The following DHRS7C variants were observed in gnomAD, a reference collection of about 807,000 sequenced individuals.
DHRS7C encodes the protein dehydrogenase/reductase SDR family member 7C.
DHRS7C carries 28 observed loss-of-function variants against 29.6 expected under a neutral mutation model. That is an observed-to-expected ratio of 0.95 (90% CI 0.70 to 1.30). The LOEUF (loss-of-function observed/expected upper bound fraction) is 1.30. DHRS7C is among the 50% of genes most tolerant of loss of function. DHRS7C has a pLI of 0.00. For synonymous variants in DHRS7C, 158 were observed against 160.2 expected, an observed-to-expected ratio of 0.99 and a Z score of 0.10; for missense variants, 403 against 393.3, an observed-to-expected ratio of 1.02 and a Z score of -0.21.
chr17:9,789,049 G>A (rs1000371908), intron 1 of DHRS7C, among the ~76,000 whole-genome samples: 6 of 152,104 alleles, frequency 3.9e-5, no homozygotes, highest in Non-Finnish European at 8.8e-5. Context: ...ACTGAATGAG[G>A]TGTTTTAAAA....
At chr17:9,779,677 T>C (rs1032876873) in intron 3 of DHRS7C, 148 bp downstream of exon 3, 6 of 728,744 alleles carry the variant, frequency 8.2e-6, no homozygotes, top group African/African-American at 5.3e-5. Flanking sequence ...ACAATGGGAA[T>C]GGTGAAAGCT....
intron 4 of DHRS7C, among the ~76,000 whole-genome samples, chr17:9,776,652 C>A (rs1245205404): frequency 2.0e-5 from 3 of 152,288 alleles, no homozygotes; most frequent in African/African-American, 2.4e-5. Flanking sequence ...CAGGAACATA[C>A]ACCTAGGAGT....
chr17:9,784,725 A>G (rs904883041), intron 1 of DHRS7C, among the ~76,000 whole-genome samples: 1 of 152,242 alleles, frequency 6.6e-6, no homozygotes, highest in East Asian at 1.9e-4. Context: ...AGGTGAGTCA[A>G]TACCAGTAAT....
chr17:9,777,398 T>C, intron 3 of DHRS7C, 113 bp from the exon 4 acceptor site: 11 of 702,128 alleles, frequency 1.6e-5, no homozygotes, highest in Non-Finnish European at 1.6e-5. Flanking sequence ...ACCTCCGCGG[T>C]AACTAGATTG....
chr17:9,787,416 G>C (rs977328229), intron 1 of DHRS7C, among the ~76,000 whole-genome samples: 1 of 152,310 alleles, frequency 6.6e-6, no homozygotes, highest in South Asian at 2.1e-4. Flanking sequence ...TGCCTGGGAG[G>C]CTGGAGCCCA....
chr17:9,772,886 T>C lies in DHRS7C; in HGVS notation c.608A>G (p.Asp203Gly), dbSNP rs2066339670. ...TTCCTCCACTTCGGCTCGGAGGCAG[T>C]CAAAGAAGCCCAGGGCTGCGTGCTT... ...ASKHAALGFFDCLRAEVEEYD... is the reference protein window; with the variant it reads ...ASKHAALGFFGCLRAEVEEYD... The change falls in exon 5 of 6, where the codon GAC (aspartate) becomes GGC (glycine). Residue 203 changes from aspartate (D) to glycine (G), a missense_variant. Asp to Gly is a moderately conservative substitution (Grantham distance 94, BLOSUM62 -1). Transcript: ENST00000571134. The C allele has an allele frequency of 6.2e-7, 1 of 1,613,758 alleles. No individual in the cohort carries two copies. Among genetic ancestry groups the C allele is most frequent in the Non-Finnish European group, 8.5e-7 (1 of 1,179,856 alleles).
intron 1 of DHRS7C, among the ~76,000 whole-genome samples, chr17:9,786,256 G>A (rs2066422830): frequency 6.6e-6 from 1 of 151,572 alleles, no homozygotes; most frequent in African/African-American, 2.4e-5. Context: ...GAACCCGGGA[G>A]GCTGAGGTTG....
At chr17:9,781,426 CA>C in intron 2 of DHRS7C, 55 bp downstream of exon 2, 2 of 1,538,214 alleles carry the variant, frequency 1.3e-6, no homozygotes, top group Non-Finnish European at 1.8e-6. Context: ...CCTGAACAAT[CA>C]ATGGAGGCTG....
rs1417642065 is a variant in DHRS7C at position 9,791,359 on chromosome 17, G to C, written c.-75C>G. 6.5e-7 allele frequency: 1 copy of C among 1,545,754 alleles called. No individual in the cohort carries two copies. On this transcript the variant is annotated 5_prime_UTR_variant, in exon 1 of 6. Coordinates refer to ENST00000571134, the MANE Select transcript of DHRS7C (RefSeq NM_001105571.3). ...CGCTGATCAGGACTCCCAGGGCAGGGGGAGGCCCAAGGCTGCAGGGAGCTC... is the reference window on the plus strand; with the variant it reads ...CGCTGATCAGGACTCCCAGGGCAGGCGGAGGCCCAAGGCTGCAGGGAGCTC...
chr17:9,785,131 T>C (rs2066416434), intron 1 of DHRS7C: 1 of 152,158 alleles, frequency 6.6e-6, no homozygotes, highest in Non-Finnish European at 1.5e-5. Context: ...TCAAAGGAAA[T>C]TTTAAAAACA....
intron 1 of DHRS7C, among the ~76,000 whole-genome samples, chr17:9,789,307 G>C (rs765341124): frequency 1.3e-5 from 2 of 152,140 alleles, no homozygotes; most frequent in Non-Finnish European, 2.9e-5. Context: ...CATACAGAGC[G>C]TATTCTCCAA....
intron 2 of DHRS7C, among the ~76,000 whole-genome samples, chr17:9,780,240 A>G (rs914735824): frequency 6.6e-6 from 1 of 152,188 alleles, no homozygotes; most frequent in South Asian, 2.1e-4. Flanking sequence ...GGCAAAAACA[A>G]CAACAAATCT....
At chr17:9,779,260 C>T (rs1358491036) in intron 3 of DHRS7C, among the ~76,000 whole-genome samples, 1 of 152,160 alleles carries the variant, frequency 6.6e-6, no homozygotes, top group East Asian at 1.9e-4. Context: ...TCCTAGGCCC[C>T]TCAGACAGGT....
chr17:9,775,247 T>C lies in DHRS7C; in HGVS notation c.571+1946A>G, dbSNP rs2066355425. ...AAAAATACAAGGAGCAGTGGGGAGA[T>C]TCCTAAGTGGACTGGGGAAGAGAGG... On this transcript the variant is annotated intron_variant, in intron 4 of 5. Coordinates refer to ENST00000571134, the MANE Select transcript of DHRS7C (RefSeq NM_001105571.3). The surrounding 1 kb of genome is among the most constrained non-coding windows in gnomAD (Gnocchi z 4.2). 6.6e-6 allele frequency among the ~76,000 whole-genome samples: 1 copy of C among 152,218 alleles called. No homozygotes were observed. The highest frequency in any genetic ancestry group is 2.4e-5 in the African/African-American group (1 of 41,452).
At chr17:9,786,365 A>AATAATAATT (rs1376727441) in intron 1 of DHRS7C, among the ~76,000 whole-genome samples, 7 of 141,618 alleles carry the variant, frequency 4.9e-5, no homozygotes, top group Non-Finnish European at 7.8e-5. Flanking sequence ...TAATAATAAT[A>AATAATAATT]ATTAATCAGA....
chr17:9,772,944 G>A lies in DHRS7C; in HGVS notation c.572-22C>T, dbSNP rs1435834564. ...GCGTCTGCGAGACAAACCATCCGGA[G>A]GTGGGCGCAGGACACTCCCGGCCCT... On this transcript the variant is annotated intron_variant, in intron 4 of 5. Transcript: ENST00000571134. The A allele has an allele frequency of 3.1e-6, 5 of 1,612,022 alleles. No homozygotes were observed. In the Admixed American group the frequency reaches 8.3e-5, roughly 27 times the overall value.
chr17:9,791,386 G>T lies in DHRS7C; in HGVS notation c.-102C>A. On this transcript the variant is annotated 5_prime_UTR_variant, in exon 1 of 6. The change creates a new upstream start codon in the 5' untranslated region. Transcript: ENST00000571134. Reference sequence around the variant, plus strand: ...GAGGCCCAAGGCTGCAGGGAGCTCAGCTCTGTGCAAGCCTCCAAGCTGAAC... The same window carrying T: ...GAGGCCCAAGGCTGCAGGGAGCTCATCTCTGTGCAAGCCTCCAAGCTGAAC... The T allele has an allele frequency of 7.3e-7, 1 of 1,373,014 alleles. No homozygotes were observed. Among genetic ancestry groups the T allele is most frequent in the Non-Finnish European group, 9.9e-7 (1 of 1,010,538 alleles). The allele number at this position is 1,373,014 out of a possible 1,614,324, so 85.1% of individuals were successfully genotyped here.
chr17:9,773,994 A>G (rs1030082784), intron 4 of DHRS7C, among the ~76,000 whole-genome samples: 1 of 152,082 alleles, frequency 6.6e-6, no homozygotes, highest in Non-Finnish European at 1.5e-5. Context: ...AAGTGCTGGG[A>G]TTACAGGCGT....
intron 1 of DHRS7C, among the ~76,000 whole-genome samples, chr17:9,786,430 C>A (rs903261317): frequency 6.6e-6 from 1 of 151,064 alleles, no homozygotes; most frequent in South Asian, 2.1e-4. Flanking sequence ...AGGACTCTCC[C>A]CTCTGAATAA....
Sources: gnomAD v4.1 joint callset for allele counts (sites outside exome capture counted in the v4.1 genomes callset) on GRCh38, gnomAD v4.1.1 for gene constraint, Gnocchi (gnomAD v3.1) non-coding constraint, MANE v1.5 for transcripts, NCBI Gene and HGNC (gene_info 2026-07-23, HGNC 2026-07-21) for gene names.